The following ZNF892 variants were observed in gnomAD, a reference collection of about 807,000 sequenced individuals.
The protein encoded by ZNF892 is zinc finger protein 892, also known as zinc finger protein 570-like.
chr2:95,249,478 A>T, the ZNF892 span, among the ~76,000 whole-genome samples: 1 of 149,452 alleles, frequency 6.7e-6, no homozygotes, highest in Non-Finnish European at 1.5e-5. Context: ...TGAACTCCTG[A>T]CCTTGTGATC....
chr2:95,248,539 T>C, the ZNF892 span, among the ~76,000 whole-genome samples: 1 of 152,054 alleles, frequency 6.6e-6, no homozygotes, highest in African/African-American at 2.4e-5. Flanking sequence ...CACAACAAAT[T>C]ATTTTGATAG....
At chr2:95,212,754 C>G in the ZNF892 span, among the ~76,000 whole-genome samples, 2 of 152,162 alleles carry the variant, frequency 1.3e-5, no homozygotes, top group Non-Finnish European at 2.9e-5. Flanking sequence ...TAAAGCTGAT[C>G]TTAGCTACTC....
chr2:95,256,031 C>G, the ZNF892 span, among the ~76,000 whole-genome samples: 1 of 152,160 alleles, frequency 6.6e-6, no homozygotes, highest in Non-Finnish European at 1.5e-5. Flanking sequence ...GACTCTTTAT[C>G]CAATTTGCCA....
chr2:95,214,915 G>A, the ZNF892 span: 3 of 495,142 alleles, frequency 6.1e-6, no homozygotes, highest in Non-Finnish European at 1.1e-5. Context: ...GCCCTTATTC[G>A]GCATCATATA....
chr2:95,212,397 C>A, the ZNF892 span: 1 of 396,712 alleles, frequency 2.5e-6, no homozygotes, highest in Non-Finnish European at 4.4e-6. Flanking sequence ...CCTGTCTCAC[C>A]CCTATGCCAC....
At chr2:95,210,121 GTGTATATATGTGTATACATGTATATA>G in the ZNF892 span, among the ~76,000 whole-genome samples, 219 of 149,368 alleles carry the variant, frequency 1.5e-3, 2 homozygotes, top group African/African-American at 5.2e-3. Flanking sequence ...GTATATATGT[GTGTATATATGTGTATACATGTATATA>G]TGTATATATG....
chr2:95,230,519 C>T, the ZNF892 span, among the ~76,000 whole-genome samples: 5 of 152,050 alleles, frequency 3.3e-5, no homozygotes, highest in Admixed American at 1.3e-4. Flanking sequence ...AGTTGCTTTG[C>T]GGAAGTTCTT....
the ZNF892 span, among the ~76,000 whole-genome samples, chr2:95,243,721 G>A: frequency 2.0e-5 from 3 of 149,700 alleles, no homozygotes; most frequent in South Asian, 2.1e-4. Flanking sequence ...AGGGAGGTGC[G>A]GGGGTCAGCA....
chr2:95,213,613 G>C, the ZNF892 span, among the ~76,000 whole-genome samples: 2 of 151,836 alleles, frequency 1.3e-5, no homozygotes, highest in Non-Finnish European at 2.9e-5. Flanking sequence ...CTTTCTTCTT[G>C]GTTCTGTTTT....
the ZNF892 span, among the ~76,000 whole-genome samples, chr2:95,233,758 C>A: frequency 6.6e-6 from 1 of 151,608 alleles, no homozygotes; most frequent in Non-Finnish European, 1.5e-5. Context: ...CCTCGGCCTC[C>A]CAGAGTGCTG....
chr2:95,252,871 GT>G, the ZNF892 span, among the ~76,000 whole-genome samples: 1 of 152,232 alleles, frequency 6.6e-6, no homozygotes, highest in Non-Finnish European at 1.5e-5. Flanking sequence ...TCTTTTGGCT[GT>G]GTAAATGTTT....
At chr2:95,232,109 C>T in the ZNF892 span, 1 of 152,136 alleles carries the variant, frequency 6.6e-6, no homozygotes, top group Non-Finnish European at 1.5e-5. Flanking sequence ...GTAAGCTTCC[C>T]CGAAATGGAA....
the ZNF892 span, among the ~76,000 whole-genome samples, chr2:95,220,107 T>C: frequency 6.6e-6 from 1 of 151,878 alleles, no homozygotes; most frequent in Non-Finnish European, 1.5e-5. Flanking sequence ...GAGGGGTGGG[T>C]TTTAGAAATC....
At chr2:95,245,725 A>G in the ZNF892 span, among the ~76,000 whole-genome samples, 1 of 152,186 alleles carries the variant, frequency 6.6e-6, no homozygotes, top group African/African-American at 2.4e-5. Context: ...ACGATCAAGA[A>G]TACTTTAAAC....
At chr2:95,249,836 T>A in the ZNF892 span, among the ~76,000 whole-genome samples, 2 of 152,304 alleles carry the variant, frequency 1.3e-5, no homozygotes, top group South Asian at 4.1e-4. Context: ...TATTTTATCT[T>A]ATTTGGAAAT....
chr2:95,226,697 T>G, the ZNF892 span, among the ~76,000 whole-genome samples: 44 of 152,334 alleles, frequency 2.9e-4, 2 homozygotes, highest in South Asian at 8.9e-3. Context: ...GGGACAGGTC[T>G]GTGGTTATTG....
the ZNF892 span, among the ~76,000 whole-genome samples, chr2:95,263,141 G>T: frequency 2.6e-5 from 4 of 152,216 alleles, no homozygotes; most frequent in African/African-American, 9.6e-5. Context: ...AGGCAGAAAA[G>T]ATGAGAGAAT....
the ZNF892 span, among the ~76,000 whole-genome samples, chr2:95,252,789 G>A: frequency 6.6e-6 from 1 of 152,208 alleles, no homozygotes; most frequent in African/African-American, 2.4e-5. Context: ...TAACTGGTGT[G>A]AGATGGTATC....
chr2:95,210,169 A>ATATATGTGTATATATG, the ZNF892 span, among the ~76,000 whole-genome samples: 5 of 148,786 alleles, frequency 3.4e-5, no homozygotes, highest in Admixed American at 6.8e-5. Context: ...GTATATATGT[A>ATATATGTGTATATATG]TATATGTGTA....
Sources: gnomAD v4.1 joint callset for allele counts (sites outside exome capture counted in the v4.1 genomes callset) on GRCh38, gnomAD v4.1.1 for gene constraint, MANE v1.5 for transcripts, NCBI Gene and HGNC (gene_info 2026-07-23, HGNC 2026-07-21) for gene names.